The following BIRC6 variants were observed in gnomAD, a reference collection of about 807,000 sequenced individuals.
BIRC6 encodes dual E2 ubiquitin-conjugating enzyme/E3 ubiquitin-protein ligase BIRC6.
A neutral mutation model predicts 503.3 loss-of-function variants in BIRC6; 98 were observed. That is an observed-to-expected ratio of 0.19 (90% confidence interval 0.17 to 0.23). The LOEUF (loss-of-function observed/expected upper bound fraction) is 0.23. Among genes scored for constraint, BIRC6 ranks in the 10% least tolerant of loss-of-function variants. The pLI is 1.00. For synonymous variants in BIRC6, 2,240 were observed against 2,078.7 expected, an observed-to-expected ratio of 1.08 and a Z score of -2.11; for missense variants, 5,360 against 5,806.0, an observed-to-expected ratio of 0.92 and a Z score of 2.50.
At chr2:32,406,288 C>T (rs767606756) in intron 8 of BIRC6, among the ~76,000 whole-genome samples, 39 of 151,982 alleles carry the variant, frequency 2.6e-4, no homozygotes, top group Admixed American at 2.6e-4. Flanking sequence ...CCCACCTACA[C>T]GGGAGGCTGA....
intron 21 of BIRC6, among the ~76,000 whole-genome samples, chr2:32,448,444 C>T: frequency 6.6e-6 from 1 of 151,418 alleles, no homozygotes; most frequent in Non-Finnish European, 1.5e-5. Context: ...CGGTTAGGAG[C>T]TGGAGACCAG....
At position 32,410,296 on chromosome 2, in the gene BIRC6, G is replaced by A. The variant is rs572004978; in HGVS notation, c.1477+3739G>A. On this transcript the variant is annotated intron_variant, in intron 9 of 73. Transcript: ENST00000421745. ...AGCCTGGGCAACAGAGTGAGACTCC[G>A]TCTAAAACAAAACAAAACAAAAAAC... Among the ~76,000 whole-genome samples the A allele has an allele frequency of 9.2e-5, 14 of 152,094 alleles. No individual in the cohort carries two copies. In the South Asian group the frequency reaches 1.2e-3, roughly 14 times the overall value.
intron 65 of BIRC6, among the ~76,000 whole-genome samples, chr2:32,555,533 G>A (rs1195991421): frequency 6.6e-6 from 1 of 152,112 alleles, no homozygotes; most frequent in African/African-American, 2.4e-5. Context: ...AGCTACTCAG[G>A]AGGCTGAGGC....
At chr2:32,549,146 T>A in intron 64 of BIRC6, 167 bp from the exon 65 acceptor site, 1 of 458,470 alleles carries the variant, frequency 2.2e-6, no homozygotes, top group Non-Finnish European at 3.7e-6. Flanking sequence ...ACAAAACAGA[T>A]CCTTCTCTTT....
intron 9 of BIRC6, among the ~76,000 whole-genome samples, chr2:32,411,886 T>C (rs2041929619): frequency 6.6e-6 from 1 of 152,214 alleles, no homozygotes; most frequent in Admixed American, 6.5e-5. Flanking sequence ...ATTTTCAGTT[T>C]AGCGTCAAGA....
chr2:32,579,066 AAT>A (rs1447275431), intron 66 of BIRC6, among the ~76,000 whole-genome samples: 1 of 142,030 alleles, frequency 7.0e-6, no homozygotes, highest in Non-Finnish European at 1.5e-5. Flanking sequence ...ATGTATACCT[AAT>A]ATATATATAT....
intron 4 of BIRC6, among the ~76,000 whole-genome samples, chr2:32,389,650 A>G (rs769954322): frequency 6.6e-6 from 1 of 152,218 alleles, no homozygotes; most frequent in African/African-American, 2.4e-5. Context: ...CTGAAATATA[A>G]TACGCAGCAA....
In BIRC6 at chr2:32,515,131, A is replaced by G. The variant is rs1378443178; in HGVS notation, c.10710A>G (p.Pro3570=). Residue 3570 remains proline, a synonymous_variant, in exon 55 of 74, where the codon CCA becomes CCG. Coordinates refer to ENST00000421745, the MANE Select transcript of BIRC6 (RefSeq NM_016252.4). ...LMGWMGITPP[P]VQCHHRLSMT... ...GCTGGATGGGAATTACCCCTCCTCCAGTGCAATGTCATCATAGACTGTCCA... is the reference window on the plus strand; with the variant it reads ...GCTGGATGGGAATTACCCCTCCTCCGGTGCAATGTCATCATAGACTGTCCA... 3 of 1,613,864 alleles carry G rather than the reference A, an allele frequency of 1.9e-6. No individual in the cohort carries two copies. Among genetic ancestry groups the G allele is most frequent in the South Asian group, 1.1e-5 (1 of 91,088 alleles).
At chr2:32,516,678 T>C (rs2055079597) in intron 55 of BIRC6, among the ~76,000 whole-genome samples, 1 of 152,000 alleles carries the variant, frequency 6.6e-6, no homozygotes, top group African/African-American at 2.4e-5. Flanking sequence ...TATATTATGA[T>C]AATCATAATT....
intron 1 of BIRC6, among the ~76,000 whole-genome samples, chr2:32,358,294 A>G (rs938370306): frequency 6.6e-6 from 1 of 152,052 alleles, no homozygotes; most frequent in Non-Finnish European, 1.5e-5. Context: ...GAAAATTAGG[A>G]TTTGAAGGTG....
chr2:32,586,883 A>G (rs2061069806), intron 66 of BIRC6, among the ~76,000 whole-genome samples: 1 of 152,154 alleles, frequency 6.6e-6, no homozygotes, highest in Admixed American at 6.6e-5. Flanking sequence ...AATGAGAAAA[A>G]CAAAGTTCAT....
intron 8 of BIRC6, among the ~76,000 whole-genome samples, chr2:32,404,016 C>T (rs1394464146): frequency 2.6e-5 from 4 of 151,312 alleles, no homozygotes; most frequent in African/African-American, 9.7e-5. Flanking sequence ...CAACCTCTGC[C>T]TCCCAGGTTC....
At chr2:32,534,730 CAAAAAAAAAAAAA>C (rs770672789) in intron 61 of BIRC6, among the ~76,000 whole-genome samples, 5 of 22,320 alleles carry the variant, frequency 2.2e-4, no homozygotes, top group Admixed American at 1.3e-3. Flanking sequence ...GACTCTGTCT[CAAAAAAAAAAAAA>C]AAAAAAAAAA....
chr2:32,482,473 G>T lies in BIRC6; in HGVS notation c.7587G>T (p.Gly2529=). ...ATGATTATTGGGGTGCTGATTATGG[G>T]ACCTACAATTACAACCCTTACATTG... ...TWYDYWGADY[G]TYNYNPYIGG... Residue 2529 remains glycine (G), a synonymous_variant, in exon 39 of 74, where the codon GGG becomes GGT. Coordinates refer to ENST00000421745, the MANE Select transcript of BIRC6 (RefSeq NM_016252.4). The T allele has an allele frequency of 1.2e-6, 2 of 1,613,874 alleles. No individual in the cohort carries two copies. The highest frequency in any genetic ancestry group is 1.7e-6 in the Non-Finnish European group (2 of 1,179,830).
rs762790494 is a variant in BIRC6 at position 32,490,169 on chromosome 2, T to C, written c.8206+18T>C. Reference sequence around the variant, plus strand: ...GCTTAATTGTAAGTTCATAAATTTATTCATTTAAATCTCTGACATATACTT... The same window carrying C: ...GCTTAATTGTAAGTTCATAAATTTACTCATTTAAATCTCTGACATATACTT... On this transcript the variant is annotated intron_variant, in intron 43 of 73. Coordinates refer to ENST00000421745, the MANE Select transcript of BIRC6 (RefSeq NM_016252.4). 6.5e-7 allele frequency: 1 copy of C among 1,536,960 alleles called. No individual in the cohort carries two copies. Among genetic ancestry groups the C allele is most frequent in the Non-Finnish European group, 9.0e-7 (1 of 1,110,230 alleles).
chr2:32,553,197 C>CAAAAAAAAAAAAAAAAAAAAA (rs763552918), intron 65 of BIRC6, among the ~76,000 whole-genome samples: 5 of 34,950 alleles, frequency 1.4e-4, no homozygotes, highest in Non-Finnish European at 2.4e-4. Flanking sequence ...AACTCTGTCT[C>CAAAAAAAAAAAAAAAAAAAAA]AAAAAAAAAA....
At chr2:32,479,424 T>C (rs768313151) in intron 36 of BIRC6, 38 bp from the exon 37 acceptor site, 3 of 1,552,770 alleles carry the variant, frequency 1.9e-6, no homozygotes, top group Non-Finnish European at 2.6e-6. Flanking sequence ...TCGAAATCTG[T>C]ATAAATTATT....
chr2:32,463,423 T>G, intron 24 of BIRC6, 42 bp downstream of exon 24: 1 of 1,509,444 alleles, frequency 6.6e-7, no homozygotes, highest in Non-Finnish European at 8.9e-7. Context: ...GTCTCTAAAC[T>G]TCAAAAGCTG....
At chr2:32,461,074 TCTCCTCTC>T (rs2047897977) in intron 23 of BIRC6, among the ~76,000 whole-genome samples, 4 of 4,840 alleles carry the variant, frequency 8.3e-4, no homozygotes, top group Non-Finnish European at 1.4e-3. Flanking sequence ...TCTGTTCTCC[TCTCCTCTC>T]CTCTCCTCTC....
Sources: gnomAD v4.1 joint callset for allele counts (sites outside exome capture counted in the v4.1 genomes callset) on GRCh38, gnomAD v4.1.1 for gene constraint, MANE v1.5 for transcripts, NCBI Gene and HGNC (gene_info 2026-07-23, HGNC 2026-07-21) for gene names.